BCAR3: variants seen among roughly 807,000 people sequenced by gnomAD.
BCAR3 encodes BCAR3 adaptor protein, NSP family member, also known as breast cancer anti-estrogen resistance protein 3.
In BCAR3, 37 loss-of-function variants were observed where a neutral mutation model predicts 80.1. The ratio of observed to expected loss-of-function variants is 0.46; its 90% CI spans 0.36 to 0.61. The LOEUF (loss-of-function observed/expected upper bound fraction) is 0.61, where lower values mean the gene tolerates loss of function less well. Ranked by LOEUF, BCAR3 falls within the 20% of genes least tolerant of loss-of-function variation. The pLI is 0.00. For missense variants in BCAR3, 978 were observed against 1,068.2 expected (o/e 0.92, Z 1.18); for synonymous variants, 389 against 418.9 (o/e 0.93, Z 0.87).
chr1:93,711,062 G>A (rs1650003233), intron 2 of BCAR3, among the ~76,000 whole-genome samples: 1 of 152,124 alleles, frequency 6.6e-6, no homozygotes, highest in African/African-American at 2.4e-5. Context: ...TGTGGAAGCT[G>A]GCTTCTCCCA....
chr1:93,754,559 T>C (rs1296298033), intron 2 of BCAR3, among the ~76,000 whole-genome samples: 4 of 152,180 alleles, frequency 2.6e-5, no homozygotes, highest in African/African-American at 9.7e-5. Context: ...ATATATACAG[T>C]CAATGATGAC....
At chr1:93,626,163 C>A (rs1417570064) in intron 3 of BCAR3, among the ~76,000 whole-genome samples, 1 of 152,172 alleles carries the variant, frequency 6.6e-6, no homozygotes, top group Non-Finnish European at 1.5e-5. Flanking sequence ...CACTCCACTG[C>A]AAGGAACAGG....
chr1:93,669,602 C>T (rs1648108289), intron 2 of BCAR3, among the ~76,000 whole-genome samples: 1 of 152,210 alleles, frequency 6.6e-6, no homozygotes. Context: ...CAGCTGTTCC[C>T]AGGAATGTGT....
intron 1 of BCAR3, among the ~76,000 whole-genome samples, chr1:93,680,001 T>C (rs759003908): frequency 4.6e-5 from 7 of 152,238 alleles, no homozygotes; most frequent in African/African-American, 7.2e-5. Flanking sequence ...TTATAACTTC[T>C]CTGGAGAGTC....
chr1:93,838,695 T>C (rs774113550), intron 2 of BCAR3, among the ~76,000 whole-genome samples: 8 of 152,184 alleles, frequency 5.3e-5, no homozygotes, highest in Non-Finnish European at 2.9e-5. Flanking sequence ...ACGCAGTTAT[T>C]ATACAATTAC....
chr1:93,579,992 G>C (rs1673634075), intron 7 of BCAR3, among the ~76,000 whole-genome samples: 1 of 152,226 alleles, frequency 6.6e-6, no homozygotes, highest in Non-Finnish European at 1.5e-5. Flanking sequence ...AGGCCATCTG[G>C]CCAAAAGTAC....
intron 2 of BCAR3, among the ~76,000 whole-genome samples, chr1:93,651,133 G>C (rs946400483): frequency 1.3e-5 from 2 of 152,216 alleles, no homozygotes; most frequent in Non-Finnish European, 2.9e-5. Context: ...AAAAGGAAGA[G>C]GAACATTTAG....
At chr1:93,735,622 T>C (rs551086851) in intron 2 of BCAR3, among the ~76,000 whole-genome samples, 3 of 152,378 alleles carry the variant, frequency 2.0e-5, no homozygotes, top group African/African-American at 7.2e-5. Flanking sequence ...ATTCTGGAGT[T>C]TCCTTTCCTT....
intron 3 of BCAR3, among the ~76,000 whole-genome samples, chr1:93,692,475 G>A (rs975954218): frequency 2.0e-5 from 3 of 152,320 alleles, no homozygotes; most frequent in Admixed American, 2.0e-4. Flanking sequence ...GTTCTGATGG[G>A]GGAAACACAA....
At chr1:93,651,950 C>T (rs1056523970) in intron 2 of BCAR3, among the ~76,000 whole-genome samples, 3 of 152,222 alleles carry the variant, frequency 2.0e-5, no homozygotes, top group Non-Finnish European at 1.5e-5. Context: ...TGCGGCCACA[C>T]ACAGACAAAC....
intron 2 of BCAR3, among the ~76,000 whole-genome samples, chr1:93,758,910 C>T (rs1651837238): frequency 6.6e-6 from 1 of 152,176 alleles, no homozygotes; most frequent in African/African-American, 2.4e-5. Flanking sequence ...CTTTCTCAGG[C>T]CATCAGGGGG....
chr1:93,752,703 G>A (rs1177419464), intron 2 of BCAR3, among the ~76,000 whole-genome samples: 5 of 152,220 alleles, frequency 3.3e-5, no homozygotes, highest in Non-Finnish European at 7.3e-5. Context: ...ATTTGTGAGT[G>A]TTGTCTGTGA....
chr1:93,728,009 C>T (rs1650651588), intron 2 of BCAR3, among the ~76,000 whole-genome samples: 1 of 152,184 alleles, frequency 6.6e-6, no homozygotes, highest in Non-Finnish European at 1.5e-5. Context: ...GATGCTGCCA[C>T]AGACTAAGGA....
chr1:93,575,490 G>A (rs1337475975), intron 8 of BCAR3, among the ~76,000 whole-genome samples: 1 of 152,172 alleles, frequency 6.6e-6, no homozygotes, highest in African/African-American at 2.4e-5. Context: ...ATGCCTCGGA[G>A]GCCCCGGACC....
At chr1:93,615,478 A>G (rs1385677110) in intron 3 of BCAR3, among the ~76,000 whole-genome samples, 1 of 151,828 alleles carries the variant, frequency 6.6e-6, no homozygotes, top group African/African-American at 2.4e-5. Context: ...TTCCTCCCTC[A>G]CTCATTCTCC....
chr1:93,788,583 G>C (rs914651417), intron 2 of BCAR3, among the ~76,000 whole-genome samples: 2 of 152,138 alleles, frequency 1.3e-5, no homozygotes, highest in African/African-American at 4.8e-5. Flanking sequence ...TAGTTTTGCT[G>C]GATCTAAAAT....
intron 2 of BCAR3, among the ~76,000 whole-genome samples, chr1:93,744,957 A>G (rs1463767971): frequency 2.0e-5 from 3 of 152,164 alleles, no homozygotes; most frequent in Non-Finnish European, 4.4e-5. Context: ...CCAAAACCCA[A>G]AGGCATTTCT....
At chr1:93,780,582 A>C (rs1320087172) in intron 2 of BCAR3, among the ~76,000 whole-genome samples, 2 of 151,954 alleles carry the variant, frequency 1.3e-5, no homozygotes, top group Non-Finnish European at 2.9e-5. Context: ...AAAAAAAAAA[A>C]AACAAGATGG....
chr1:93,632,797 C>CAAG (rs1426841920), intron 3 of BCAR3, among the ~76,000 whole-genome samples: 1 of 152,162 alleles, frequency 6.6e-6, no homozygotes, highest in African/African-American at 2.4e-5. Flanking sequence ...GGCAGTGGAT[C>CAAG]ACCTGAGGTC....
Sources: allele counts gnomAD v4.1 joint callset (sites outside exome capture counted in the v4.1 genomes callset), GRCh38; gene constraint gnomAD v4.1.1; transcripts MANE v1.5; gene names NCBI Gene and HGNC (gene_info 2026-07-23, HGNC 2026-07-21).